CABIN1: variants seen among roughly 807,000 people sequenced by gnomAD.
CABIN1 encodes the protein calcineurin binding protein 1, also known as calcineurin-binding protein cabin-1.
CABIN1 carries 133 observed loss-of-function variants against 227.7 expected under a neutral mutation model. The observed-to-expected ratio is 0.58, with a 90% CI of 0.51 to 0.67. The LOEUF (loss-of-function observed/expected upper bound fraction) is 0.67, where lower values mean the gene tolerates loss of function less well. CABIN1 is among the 30% of genes least tolerant of loss of function. The pLI, the probability that CABIN1 is intolerant of heterozygous loss-of-function variation, is 0.00. For synonymous variants in CABIN1, 1,086 were observed against 1,155.1 expected, an observed-to-expected ratio of 0.94 and a Z score of 1.21; for missense variants, 2,408 against 2,852.5, an observed-to-expected ratio of 0.84 and a Z score of 3.55.
intron 15 of CABIN1, among the ~76,000 whole-genome samples, chr22:24,064,927 G>C (rs1343917931): frequency 1.3e-5 from 2 of 152,080 alleles, no homozygotes; most frequent in African/African-American, 2.4e-5. Context: ...TTTCTACACA[G>C]ACACAGCAAC....
At chr22:24,092,572 G>A (rs2041616679) in intron 24 of CABIN1, among the ~76,000 whole-genome samples, 1 of 152,148 alleles carries the variant, frequency 6.6e-6, no homozygotes, top group Admixed American at 6.5e-5. Context: ...TGCCCTTTCT[G>A]AGGCTATGTG....
At chr22:24,136,818 G>A (rs566015758) in intron 29 of CABIN1, among the ~76,000 whole-genome samples, 11 of 151,640 alleles carry the variant, frequency 7.3e-5, no homozygotes, top group African/African-American at 2.4e-4. Context: ...GTGACATTAC[G>A]TTAATTTTAA....
At chr22:24,162,341 G>A (rs1405689295) in intron 29 of CABIN1, 1 of 152,336 alleles carries the variant, frequency 6.6e-6, no homozygotes, top group Non-Finnish European at 1.5e-5. Flanking sequence ...CATGGCTGGT[G>A]GTGGGTCTTA....
intron 26 of CABIN1, among the ~76,000 whole-genome samples, chr22:24,098,756 A>T (rs890211694): frequency 1.3e-5 from 2 of 152,142 alleles, no homozygotes; most frequent in African/African-American, 4.8e-5. Flanking sequence ...ATTCCTTACT[A>T]ACATTAGGAG....
Position 24,167,032 on chromosome 22 carries a change from G to A in CABIN1, c.5401G>A (p.Glu1801Lys). ...CCGGCCCACTGAGCTGTCCCTGGAGGAGCTGAGCATCAGTGCCCGGCAGCA... is the reference window on the plus strand; with the variant it reads ...CCGGCCCACTGAGCTGTCCCTGGAGAAGCTGAGCATCAGTGCCCGGCAGCA... ...ESRPTELSLE[E>K]LSISARQQPT... is the part of the protein sequence containing the mutation. Residue 1801 changes from glutamate (E) to lysine (K), a missense_variant, in exon 32 of 37, where the codon GAG (glutamate) becomes AAG (lysine). Coordinates refer to ENST00000263119, the MANE Select transcript of CABIN1 (RefSeq NM_012295.4). The A allele has an allele frequency of 6.4e-7, 1 of 1,551,572 alleles. No individual in the cohort carries two copies. Among genetic ancestry groups the A allele is most frequent in the Non-Finnish European group, 8.7e-7 (1 of 1,148,288 alleles).
At chr22:24,019,115 G>GT (rs2146512116) in intron 1 of CABIN1, among the ~76,000 whole-genome samples, 2 of 134,078 alleles carry the variant, frequency 1.5e-5, no homozygotes, top group African/African-American at 5.6e-5. Flanking sequence ...ACTTCACTGA[G>GT]TGTTGTTTTT....
intron 23 of CABIN1, among the ~76,000 whole-genome samples, chr22:24,090,372 G>A (rs183919433): frequency 6.6e-6 from 1 of 152,324 alleles, no homozygotes; most frequent in Admixed American, 6.5e-5. Context: ...TTTAGCCATT[G>A]CCTTTTACTT....
chr22:24,172,436 C>T (rs887807626), intron 34 of CABIN1, among the ~76,000 whole-genome samples: 17 of 152,214 alleles, frequency 1.1e-4, no homozygotes, highest in Non-Finnish European at 2.5e-4. Context: ...TATCCGGCCT[C>T]AGTTACCTGT....
intron 28 of CABIN1, among the ~76,000 whole-genome samples, chr22:24,133,223 G>A: frequency 6.6e-6 from 1 of 152,328 alleles, no homozygotes; most frequent in South Asian, 2.1e-4. Context: ...CATCCCGGTG[G>A]GGGCAGAAGG....
chr22:24,042,880 GC>G (rs762065654), intron 5 of CABIN1, 23 bp from the exon 6 acceptor site: 4 of 1,365,910 alleles, frequency 2.9e-6, no homozygotes, highest in Admixed American at 1.7e-5. Context: ...GTGTGTGTTT[GC>G]CCTCTGCTTG....
At chr22:24,068,364 G>C (rs957576266) in intron 16 of CABIN1, among the ~76,000 whole-genome samples, 1 of 152,228 alleles carries the variant, frequency 6.6e-6, no homozygotes, top group African/African-American at 2.4e-5. Flanking sequence ...ATACCAGGAA[G>C]GGTGCTGGGT....
chr22:24,057,091 C>A (rs540277344), intron 10 of CABIN1, among the ~76,000 whole-genome samples: 4 of 152,156 alleles, frequency 2.6e-5, no homozygotes, highest in African/African-American at 7.2e-5. Context: ...TGCCTGCCAC[C>A]GCGCCTGGCT....
At chr22:24,159,423 A>G (rs775202723) in intron 29 of CABIN1, among the ~76,000 whole-genome samples, 7 of 152,226 alleles carry the variant, frequency 4.6e-5, no homozygotes, top group Non-Finnish European at 1.0e-4. Context: ...TGGAGAGGAA[A>G]GAGACTGCTG....
At chr22:24,015,249 G>A (rs946440507) in intron 1 of CABIN1, among the ~76,000 whole-genome samples, 10 of 118,142 alleles carry the variant, frequency 8.5e-5, no homozygotes, top group African/African-American at 3.3e-4. Flanking sequence ...CTGGGTGACC[G>A]GCCGAGTGAG....
chr22:24,165,529 G>A lies in CABIN1; in HGVS notation c.4911-1G>A. 1.2e-6 allele frequency: 2 copies of A among 1,612,368 alleles called. No individual in the cohort carries two copies. Among genetic ancestry groups the A allele is most frequent in the Non-Finnish European group, 1.7e-6 (2 of 1,179,738 alleles). ...CTCTGACTACCCCTGTATGACCGCA[G>A]GAAGTATCTGCGAGATGCTGACCGC... On this transcript the variant is annotated splice_acceptor_variant, in intron 30 of 36. Transcript: ENST00000263119. LOFTEE classifies it high-confidence loss of function.
At chr22:24,070,483 G>A (rs1384314588) in intron 16 of CABIN1, among the ~76,000 whole-genome samples, 3 of 152,240 alleles carry the variant, frequency 2.0e-5, no homozygotes, top group Non-Finnish European at 4.4e-5. Flanking sequence ...AGGTGTTGGG[G>A]TGCCTGTCTC....
At position 24,084,560 on chromosome 22, in the gene CABIN1, C is replaced by A. The variant is rs369101224; in HGVS notation, c.2911-19C>A. 5.0e-6 allele frequency: 8 copies of A among 1,601,488 alleles called. No homozygotes were observed. In the African/African-American group the frequency reaches 9.4e-5, roughly 19 times the overall value. On this transcript the variant is annotated intron_variant, in intron 20 of 36. Transcript: ENST00000263119. ...TACCCTGAATGTGTTACTAATCTGC[C>A]TTCTGTCTTTTTTTCAAGGTGGATC...
intron 34 of CABIN1, among the ~76,000 whole-genome samples, chr22:24,172,242 G>C (rs1002977044): frequency 6.6e-6 from 1 of 152,218 alleles, no homozygotes; most frequent in African/African-American, 2.4e-5. Context: ...TGTGAAAGGG[G>C]GTGGTGAGGA....
At chr22:24,168,133 G>T (rs528375230) in intron 32 of CABIN1, among the ~76,000 whole-genome samples, 1 of 152,376 alleles carries the variant, frequency 6.6e-6, no homozygotes, top group East Asian at 1.9e-4. Context: ...GGTATAGCCA[G>T]ATGGGCTCAG....
Sources: allele counts gnomAD v4.1 joint callset (sites outside exome capture counted in the v4.1 genomes callset), GRCh38; gene constraint gnomAD v4.1.1; transcripts MANE v1.5; gene names NCBI Gene and HGNC (gene_info 2026-07-23, HGNC 2026-07-21).